CFAP47: variants seen among roughly 807,000 people sequenced by gnomAD.
The protein encoded by CFAP47 is cilia- and flagella-associated protein 47.
CFAP47 carries 29 observed loss-of-function variants against 148.1 expected under a neutral mutation model. That is an observed-to-expected ratio of 0.20 (90% confidence interval 0.15 to 0.27). The LOEUF (loss-of-function observed/expected upper bound fraction) is 0.27. Among genes scored for constraint, CFAP47 ranks in the 10% least tolerant of loss-of-function variants. The pLI is 1.00. For missense variants in CFAP47, 1,872 were observed against 1,697.5 expected, an observed-to-expected ratio of 1.10 and a Z score of -1.81; for synonymous variants, 664 against 577.3, an observed-to-expected ratio of 1.15 and a Z score of -2.15.
intron 18 of CFAP47, among the ~76,000 whole-genome samples, chrX:35,996,527 C>T (rs1936850194): frequency 9.0e-6 from 1 of 111,355 alleles, no homozygotes; most frequent in Non-Finnish European, 1.9e-5. Context: ...TAGACCTTGA[C>T]TCTTTCCTGT....
At chrX:36,201,009 T>C (rs1343747802) in intron 43 of CFAP47, among the ~76,000 whole-genome samples, 4 of 111,032 alleles carry the variant, frequency 3.6e-5, no homozygotes, top group Non-Finnish European at 5.7e-5. Flanking sequence ...GGTCACTGAA[T>C]TTTTGAGCAT....
intron 37 of CFAP47, among the ~76,000 whole-genome samples, chrX:36,150,950 T>A (rs1939300404): frequency 8.9e-6 from 1 of 112,100 alleles, no homozygotes; most frequent in Non-Finnish European, 1.9e-5. Context: ...ATTTGGACAT[T>A]GTCACATAAC....
intron 57 of CFAP47, among the ~76,000 whole-genome samples, chrX:36,328,315 C>T (rs1222162564): frequency 1.8e-5 from 2 of 111,297 alleles, no homozygotes; most frequent in Non-Finnish European, 3.8e-5. Context: ...CCAGTAAGCC[C>T]AAATAAATAG....
chrX:36,059,667 T>C (rs906704391), intron 26 of CFAP47, among the ~76,000 whole-genome samples: 1 of 112,137 alleles, frequency 8.9e-6, no homozygotes, highest in Non-Finnish European at 1.9e-5. Flanking sequence ...TACATGTATA[T>C]GCCTTCATAA....
intron 8 of CFAP47, among the ~76,000 whole-genome samples, chrX:35,961,688 T>G (rs1161567185): frequency 9.0e-6 from 1 of 111,435 alleles, no homozygotes; most frequent in Admixed American, 9.6e-5. Context: ...TTATTCCTGA[T>G]TTTAGCAAAG....
At chrX:36,168,998 C>T (rs1939530297) in intron 39 of CFAP47, among the ~76,000 whole-genome samples, 1 of 111,042 alleles carries the variant, frequency 9.0e-6, no homozygotes, top group African/African-American at 3.3e-5. Flanking sequence ...TTTTTGTTTT[C>T]TTCTCTTTTT....
intron 18 of CFAP47, among the ~76,000 whole-genome samples, chrX:35,994,059 G>A (rs1439127303): frequency 2.7e-5 from 3 of 110,611 alleles, no homozygotes; most frequent in Non-Finnish European, 5.7e-5. Context: ...TCAGGAGATC[G>A]AGACCATCTT....
chrX:36,100,748 ACT>A (rs1314499670), intron 32 of CFAP47, among the ~76,000 whole-genome samples: 1 of 111,815 alleles, frequency 8.9e-6, no homozygotes, highest in East Asian at 2.8e-4. Context: ...TATGTGTAAG[ACT>A]CTGTCAGTAA....
intron 21 of CFAP47, among the ~76,000 whole-genome samples, chrX:36,003,647 G>A (rs1453537940): frequency 9.1e-6 from 1 of 110,429 alleles, no homozygotes; most frequent in Non-Finnish European, 1.9e-5. Context: ...AGCCATCTAT[G>A]ACAAACCCAC....
chrX:36,221,581 ATT>A (rs1427257317), intron 45 of CFAP47, among the ~76,000 whole-genome samples: 1 of 111,399 alleles, frequency 9.0e-6, no homozygotes, highest in Non-Finnish European at 1.9e-5. Context: ...AAAAGGTGAT[ATT>A]TTCACAATGA....
At chrX:35,939,601 A>T (rs1244707687) in intron 2 of CFAP47, among the ~76,000 whole-genome samples, 2 of 82,836 alleles carry the variant, frequency 2.4e-5, no homozygotes, top group African/African-American at 9.0e-5. Context: ...AATTTCATCC[A>T]TGTCCCTACA....
At chrX:35,995,177 G>A (rs1370011845) in intron 18 of CFAP47, among the ~76,000 whole-genome samples, 1 of 111,326 alleles carries the variant, frequency 9.0e-6, no homozygotes, top group African/African-American at 3.3e-5. Flanking sequence ...GCTAGCATGT[G>A]TTAAGGCTTG....
intron 8 of CFAP47, among the ~76,000 whole-genome samples, chrX:35,962,719 A>G (rs1936347093): frequency 9.0e-6 from 1 of 110,586 alleles, no homozygotes; most frequent in South Asian, 3.7e-4. Flanking sequence ...CTCTTGTGGG[A>G]AATATGTAGA....
At chrX:35,995,112 C>G (rs1234333576) in intron 18 of CFAP47, among the ~76,000 whole-genome samples, 1 of 110,732 alleles carries the variant, frequency 9.0e-6, no homozygotes, top group Non-Finnish European at 1.9e-5. Flanking sequence ...AAGAATAAGC[C>G]AGATTAAAAG....
At position 36,248,887 on chromosome X, in the gene CFAP47, G is replaced by C. The variant is rs781985398; in HGVS notation, c.7333-2446G>C. 2.4e-3 allele frequency among the ~76,000 whole-genome samples: 270 copies of C among 110,285 alleles called. 1 individual carries two copies. The highest frequency in any genetic ancestry group is 8.5e-3 in the African/African-American group (260 of 30,528). The stretch of plus-strand genomic sequence containing the variant: ...GAAGTCAAAAATGGAAATAAATTTG[G>C]GAAATCCTTGAATATGCGGAATTTA... On this transcript the variant is annotated intron_variant, in intron 48 of 63. Coordinates refer to ENST00000378653, the MANE Select transcript of CFAP47 (RefSeq NM_001304548.2).
At chrX:36,033,682 C>T (rs1192036080) in intron 23 of CFAP47, among the ~76,000 whole-genome samples, 3 of 110,957 alleles carry the variant, frequency 2.7e-5, no homozygotes, top group Middle Eastern at 4.7e-3. Flanking sequence ...AAAATTGGCT[C>T]GTTGTTTATC....
intron 27 of CFAP47, among the ~76,000 whole-genome samples, chrX:36,066,950 A>G (rs191085229): frequency 8.9e-6 from 1 of 112,224 alleles, no homozygotes; most frequent in East Asian, 2.8e-4. Context: ...AGGGGTAAGG[A>G]AGAAGAATTT....
At chrX:36,131,254 G>A (rs1386418560) in intron 33 of CFAP47, among the ~76,000 whole-genome samples, 2 of 110,919 alleles carry the variant, frequency 1.8e-5, no homozygotes, top group East Asian at 5.7e-4. Context: ...AACAAGTGTT[G>A]GCAAGGATTC....
chrX:35,951,755 T>G, intron 5 of CFAP47, 48 bp from the exon 6 acceptor site: 1 of 1,037,029 alleles, frequency 9.6e-7, no homozygotes, highest in East Asian at 3.5e-5. Flanking sequence ...TCAAAAATTT[T>G]TTTGTGTTTT....
Sources: gnomAD v4.1 joint callset for allele counts (sites outside exome capture counted in the v4.1 genomes callset) on GRCh38, gnomAD v4.1.1 for gene constraint, MANE v1.5 for transcripts, NCBI Gene and HGNC (gene_info 2026-07-23, HGNC 2026-07-21) for gene names.